Variants in ZNF721 observed in about 807,000 individuals in gnomAD.
ZNF721 encodes zinc finger protein 721.
Under a neutral mutation model 2.4 loss-of-function variants are expected in ZNF721, and 2 were observed. The ratio of observed to expected loss-of-function variants is 0.82; its 90% CI spans 0.34 to 2.58. The LOEUF is 2.58. Among genes scored for constraint, ZNF721 ranks in the 30% most tolerant of loss-of-function variants. ZNF721 has a pLI of 0.11. For synonymous variants in ZNF721, 398 were observed against 381.8 expected, an observed-to-expected ratio of 1.04 and a Z score of -0.50; for missense variants, 1,187 against 1,085.5, an observed-to-expected ratio of 1.09 and a Z score of -1.31.
At chr4:450,312 T>C (rs1239499746) in intron 2 of ZNF721, among the ~76,000 whole-genome samples, 2 of 152,196 alleles carry the variant, frequency 1.3e-5, no homozygotes, top group African/African-American at 4.8e-5. Context: ...ATGTAGTATA[T>C]ATACACAATA....
intron 2 of ZNF721, among the ~76,000 whole-genome samples, chr4:460,615 G>A (rs1312010134): frequency 5.3e-5 from 7 of 133,118 alleles, no homozygotes; most frequent in African/African-American, 1.4e-4. Flanking sequence ...ATAGAGACAC[G>A]AAAGACCCTT....
In ZNF721 at chr4:442,840, T is replaced by C. The variant is rs782809505; in HGVS notation, c.1627A>G (p.Ile543Val). ...TGAATTCTCCTATGTACATAAAGGATTGCGGACTGTCTAAAGGCTTTGCCA... is the reference window on the plus strand; with the variant it reads ...TGAATTCTCCTATGTACATAAAGGACTGCGGACTGTCTAAAGGCTTTGCCA... The part of the protein sequence containing the change: ...VCGKAFRQSA[I>V]LYVHRRIHTG... The change falls in exon 3 of 3, where the codon ATC becomes GTC. Residue 543 changes from isoleucine (I) to valine (V), a missense_variant. Physicochemically the swap from Ile to Val is conservative, Grantham distance 29. Coordinates refer to ENST00000511833, the MANE Select transcript of ZNF721 (RefSeq NM_133474.4). 1.2e-6 allele frequency: 2 copies of C among 1,613,746 alleles called. No homozygotes were observed. Among genetic ancestry groups the C allele is most frequent in the Non-Finnish European group, 1.7e-6 (2 of 1,179,906 alleles).
At chr4:474,978 G>A (rs1215304051) in intron 1 of ZNF721, among the ~76,000 whole-genome samples, 1 of 151,922 alleles carries the variant, frequency 6.6e-6, no homozygotes, top group Non-Finnish European at 1.5e-5. Context: ...CACGAGGTCC[G>A]GAGATCGAGA....
intron 2 of ZNF721, 51 bp from the exon 3 acceptor site, chr4:444,483 T>C (rs1714405627): frequency 6.8e-7 from 1 of 1,478,278 alleles, no homozygotes; most frequent in African/African-American, 1.4e-5. Flanking sequence ...TTCATATGCA[T>C]ATACTTTACA....
intron 2 of ZNF721, among the ~76,000 whole-genome samples, chr4:447,400 A>G (rs1207999795): frequency 6.6e-6 from 1 of 152,078 alleles, no homozygotes; most frequent in Non-Finnish European, 1.5e-5. Flanking sequence ...ATACCAGAAA[A>G]AAGTATCTCT....
intron 1 of ZNF721, among the ~76,000 whole-genome samples, chr4:475,852 A>AC (rs1553868559): frequency 6.6e-6 from 1 of 151,160 alleles, no homozygotes; most frequent in East Asian, 1.9e-4. Flanking sequence ...TCTTAAGCCC[A>AC]CCCCCACCGT....
At chr4:492,032 G>A (rs1038543091) in intron 1 of ZNF721, among the ~76,000 whole-genome samples, 3 of 151,362 alleles carry the variant, frequency 2.0e-5, no homozygotes, top group African/African-American at 2.4e-5. Flanking sequence ...CGTGGCCGGC[G>A]GGCGCCTGTA....
rs781930669 is a variant in ZNF721, at chr4:444,089, T to C, written c.378A>G (p.Gln126=). 3.7e-6 allele frequency: 6 copies of C among 1,614,206 alleles called. No individual in the cohort carries two copies. In the East Asian group the frequency reaches 6.7e-5, roughly 18 times the overall value. The change falls in exon 3 of 3, where the codon CAA becomes CAG. Residue 126 remains glutamine (Q), a synonymous_variant. Coordinates refer to ENST00000511833, the MANE Select transcript of ZNF721 (RefSeq NM_133474.4). ...KSFQKFSDLT[Q]HKGIHAGEKP... ...TCTCTCCAGCATGAATTCCTTTATG[T>C]TGAGTTAGGTCTGAGAACTTCTGAA...
At chr4:483,803 A>G (rs1279819926) in intron 1 of ZNF721, among the ~76,000 whole-genome samples, 1 of 152,188 alleles carries the variant, frequency 6.6e-6, no homozygotes, top group Non-Finnish European at 1.5e-5. Context: ...TTTCAGAATA[A>G]TAGCAATGTT....
chr4:476,454 C>G (rs1553868671), intron 1 of ZNF721, among the ~76,000 whole-genome samples: 1 of 152,188 alleles, frequency 6.6e-6, no homozygotes, highest in Non-Finnish European at 1.5e-5. Context: ...ATCTCTGCCT[C>G]CCTGCAAACT....
At chr4:474,066 C>CA in intron 1 of ZNF721, 2 of 1,440,708 alleles carry the variant, frequency 1.4e-6, no homozygotes. Flanking sequence ...GGCTGAGGCT[C>CA]TGGCAAAATC....
At chr4:473,814 CG>C (rs1411255960) in intron 1 of ZNF721, among the ~76,000 whole-genome samples, 1 of 152,190 alleles carries the variant, frequency 6.6e-6, no homozygotes, top group Non-Finnish European at 1.5e-5. Context: ...AGCAGCCTTG[CG>C]GGGACCCCGA....
At chr4:446,827 G>C (rs1235244437) in intron 2 of ZNF721, among the ~76,000 whole-genome samples, 2 of 151,916 alleles carry the variant, frequency 1.3e-5, no homozygotes, top group African/African-American at 4.8e-5. Context: ...CAAGTAGCTG[G>C]GACTACAGGC....
rs577358389 is a variant in ZNF721 at position 473,579 on chromosome 4, C to A, written c.-93-878G>T. Among the ~76,000 whole-genome samples, 84 of 152,266 alleles carry A rather than the reference C, an allele frequency of 5.5e-4. 1 individual carries two copies. Among genetic ancestry groups the A allele is most frequent in the Admixed American group, 5.4e-3 (83 of 15,296 alleles). The stretch of plus-strand genomic sequence containing the variant: ...GCCACGAGCCACAGCCGGCGCTGCC[C>A]CATTAATGAGTCCCCGTTTGCTCAC... On this transcript the variant is annotated intron_variant, in intron 1 of 2. Coordinates refer to ENST00000511833, the MANE Select transcript of ZNF721 (RefSeq NM_133474.4).
Position 440,435 on chromosome 4 carries a change from A to C in ZNF721, c.*1260T>G, listed in dbSNP as rs1553862931. ...AAGTGAAAAAATATATTTCGAATAT[A>C]TCTCTTCAAAAACCTACTTTTCAAC... On this transcript the variant is annotated 3_prime_UTR_variant, in exon 3 of 3. Coordinates refer to ENST00000511833, the MANE Select transcript of ZNF721 (RefSeq NM_133474.4). The C allele has an allele frequency of 6.6e-6, 1 of 152,232 alleles. No homozygotes were observed. Among genetic ancestry groups the C allele is most frequent in the East Asian group, 1.9e-4 (1 of 5,202 alleles). The allele number at this position is 152,232 out of a possible 1,614,324, so 9.4% of individuals were successfully genotyped here.
At chr4:445,320 T>C (rs1714437419) in intron 2 of ZNF721, among the ~76,000 whole-genome samples, 1 of 152,120 alleles carries the variant, frequency 6.6e-6, no homozygotes, top group Admixed American at 6.6e-5. Flanking sequence ...GAAGAAACCC[T>C]TTTAACTAAA....
chr4:467,082 C>T (rs1229104982), intron 2 of ZNF721, among the ~76,000 whole-genome samples: 1 of 152,000 alleles, frequency 6.6e-6, no homozygotes, highest in African/African-American at 2.4e-5. Flanking sequence ...ATTAGCCGGG[C>T]GTGGTGGCAG....
Position 443,704 on chromosome 4 carries a change from C to G in ZNF721, c.763G>C (p.Gly255Arg). ...CTTGAGGATGAGGAAATGACTTTGC[C>G]ACATTCCTTACATTTGTAGGGTTTC... ...GEKPYKCKECGKVISSSSSFA... is the reference protein window; with the variant it reads ...GEKPYKCKECRKVISSSSSFA... Residue 255 changes from glycine to arginine, a missense_variant, in exon 3 of 3, where the codon GGC becomes CGC. Physicochemically the swap from Gly to Arg is moderately radical, Grantham distance 125. Coordinates refer to ENST00000511833, the MANE Select transcript of ZNF721 (RefSeq NM_133474.4). The G allele has an allele frequency of 6.2e-7, 1 of 1,614,086 alleles. No individual in the cohort carries two copies. The highest frequency in any genetic ancestry group is 8.5e-7 in the Non-Finnish European group (1 of 1,179,984).
intron 1 of ZNF721, among the ~76,000 whole-genome samples, chr4:483,761 C>A (rs782431840): frequency 6.6e-6 from 1 of 152,072 alleles, no homozygotes; most frequent in African/African-American, 2.4e-5. Flanking sequence ...CAATAAAAAT[C>A]GAAATATTAC....
Sources: allele counts gnomAD v4.1 joint callset (sites outside exome capture counted in the v4.1 genomes callset), GRCh38; gene constraint gnomAD v4.1.1; transcripts MANE v1.5; gene names NCBI Gene and HGNC (gene_info 2026-07-23, HGNC 2026-07-21).